DENND1A: variants seen among roughly 807,000 people sequenced by gnomAD.
DENND1A encodes DENN domain-containing protein 1A.
A neutral mutation model predicts 113.7 loss-of-function variants in DENND1A; 51 were observed. The observed-to-expected ratio is 0.45, with a 90% CI of 0.36 to 0.57. The LOEUF is 0.57. DENND1A is among the 20% of genes least tolerant of loss of function. The pLI, the probability that DENND1A is intolerant of heterozygous loss-of-function variation, is 0.00. For synonymous variants in DENND1A, 565 were observed against 570.8 expected, an observed-to-expected ratio of 0.99 and a Z score of 0.14; for missense variants, 1,258 against 1,395.9, an observed-to-expected ratio of 0.90 and a Z score of 1.57.
intron 5 of DENND1A, among the ~76,000 whole-genome samples, chr9:123,701,417 A>G (rs2065877711): frequency 6.6e-6 from 1 of 152,188 alleles, no homozygotes; most frequent in Non-Finnish European, 1.5e-5. Context: ...AAGAGATATC[A>G]TCTGCCTGGG....
intron 5 of DENND1A, among the ~76,000 whole-genome samples, chr9:123,695,641 A>G (rs1236710804): frequency 1.3e-5 from 2 of 152,118 alleles, no homozygotes; most frequent in Non-Finnish European, 2.9e-5. Flanking sequence ...AGTTTCAAGG[A>G]GCTCAGTGTC....
At chr9:123,905,331 G>A (rs1235574308) in intron 1 of DENND1A, among the ~76,000 whole-genome samples, 1 of 150,240 alleles carries the variant, frequency 6.7e-6, no homozygotes. Flanking sequence ...ACATCATAAT[G>A]ACAGGATCAA....
At chr9:123,610,635 T>C (rs1327281904) in intron 10 of DENND1A, among the ~76,000 whole-genome samples, 2 of 152,238 alleles carry the variant, frequency 1.3e-5, no homozygotes, top group East Asian at 3.8e-4. Context: ...ATATAGTCTA[T>C]GAAATGTGCA....
chr9:123,614,883 T>C (rs1309134690), intron 10 of DENND1A, among the ~76,000 whole-genome samples: 1 of 152,282 alleles, frequency 6.6e-6, no homozygotes, highest in Non-Finnish European at 1.5e-5. Context: ...GGAGGTCTTA[T>C]GTGAGCTTTT....
chr9:123,666,819 T>C lies in DENND1A; in HGVS notation c.507+207A>G, dbSNP rs568275901. 3.9e-5 allele frequency among the ~76,000 whole-genome samples: 6 copies of C among 152,358 alleles called. No homozygotes were observed. In the South Asian group the frequency reaches 1.2e-3, roughly 32 times the overall value. ...GAATAAAAATCCTTCCTTGTCTTTA[T>C]ACTTTCTATACTTTGCAAATATTCT... On this transcript the variant is annotated intron_variant, in intron 8 of 23. Transcript: ENST00000394215.
At chr9:123,553,160 T>A (rs1202451832) in intron 13 of DENND1A, among the ~76,000 whole-genome samples, 1 of 152,166 alleles carries the variant, frequency 6.6e-6, no homozygotes, top group East Asian at 1.9e-4. Context: ...GGGAGGCTGA[T>A]GTGGGAGGAT....
intron 4 of DENND1A, among the ~76,000 whole-genome samples, chr9:123,763,446 G>A (rs2071212953): frequency 6.6e-6 from 1 of 152,182 alleles, no homozygotes; most frequent in South Asian, 2.1e-4. Flanking sequence ...AGATCCAAGA[G>A]TTCCATTTGG....
chr9:123,778,209 T>A (rs1830733361), intron 3 of DENND1A, among the ~76,000 whole-genome samples: 2 of 152,224 alleles, frequency 1.3e-5, no homozygotes. Flanking sequence ...ACATACATAT[T>A]TCATTTTACT....
intron 4 of DENND1A, among the ~76,000 whole-genome samples, chr9:123,759,016 T>C (rs1408525552): frequency 6.6e-6 from 1 of 152,172 alleles, no homozygotes; most frequent in Non-Finnish European, 1.5e-5. Flanking sequence ...TTAGCCAGGA[T>C]GGTCTTGATC....
intron 5 of DENND1A, among the ~76,000 whole-genome samples, chr9:123,687,662 C>T (rs1183494417): frequency 3.9e-5 from 6 of 152,158 alleles, no homozygotes; most frequent in South Asian, 2.1e-4. Context: ...CCTTTAGTGA[C>T]GAAGCAACTC....
At chr9:123,611,997 G>A (rs192263623) in intron 10 of DENND1A, among the ~76,000 whole-genome samples, 1 of 152,322 alleles carries the variant, frequency 6.6e-6, no homozygotes, top group African/African-American at 2.4e-5. Context: ...TCGCAGAAAT[G>A]TAGTTTTCTT....
chr9:123,556,586 C>T (rs1302607733), intron 13 of DENND1A, among the ~76,000 whole-genome samples: 1 of 152,194 alleles, frequency 6.6e-6, no homozygotes, highest in Non-Finnish European at 1.5e-5. Flanking sequence ...ACAAACAGCC[C>T]CGGCCTATAG....
intron 1 of DENND1A, chr9:123,928,773 A>G: frequency 1.0e-6 from 1 of 985,402 alleles, no homozygotes; most frequent in Non-Finnish European, 1.2e-6. Context: ...TATTAGTTTC[A>G]CCCTTAAGGC....
intron 1 of DENND1A, among the ~76,000 whole-genome samples, chr9:123,925,706 A>G (rs1325121980): frequency 2.6e-5 from 4 of 152,176 alleles, no homozygotes; most frequent in African/African-American, 9.7e-5. Context: ...CAGTAGGTAA[A>G]TGGATGAATA....
At chr9:123,708,786 C>T (rs1445996027) in intron 5 of DENND1A, among the ~76,000 whole-genome samples, 1 of 152,058 alleles carries the variant, frequency 6.6e-6, no homozygotes. Context: ...GAAAAGACTA[C>T]CGGAGCCTTC....
intron 2 of DENND1A, among the ~76,000 whole-genome samples, chr9:123,833,007 C>G (rs1840482833): frequency 6.6e-6 from 1 of 151,116 alleles, no homozygotes; most frequent in African/African-American, 2.4e-5. Flanking sequence ...TGCCTGTAGT[C>G]ACGACTACTC....
intron 10 of DENND1A, among the ~76,000 whole-genome samples, chr9:123,621,552 T>C (rs2060966620): frequency 6.6e-6 from 1 of 152,196 alleles, no homozygotes. Context: ...TATATAGCTA[T>C]GAATAACACA....
rs576540737 is a variant in DENND1A, at chr9:123,875,083, G to A, written c.88+3868C>T. Among the ~76,000 whole-genome samples the A allele has an allele frequency of 9.9e-5, 15 of 152,248 alleles. No homozygotes were observed. The East Asian group carries it at 2.7e-3, about 27-fold the overall frequency. ...CTATGACTGCAGTTACACACAACAC[G>A]GAAGACCCTTTCAAACATAATTGAG... On this transcript the variant is annotated intron_variant, in intron 2 of 23. Transcript: ENST00000394215.
At chr9:123,454,832 G>T in intron 15 of DENND1A, 53 bp from the exon 16 acceptor site, 1 of 1,512,910 alleles carries the variant, frequency 6.6e-7, no homozygotes, top group Non-Finnish European at 8.9e-7. Context: ...ATTTGTCCTT[G>T]GGAGTCCTTA....
Sources: gnomAD v4.1 joint callset for allele counts (sites outside exome capture counted in the v4.1 genomes callset) on GRCh38, gnomAD v4.1.1 for gene constraint, MANE v1.5 for transcripts, NCBI Gene and HGNC (gene_info 2026-07-23, HGNC 2026-07-21) for gene names.